Variants in EGFR observed in about 807,000 individuals in gnomAD.
EGFR encodes the protein avian erythroblastic leukemia viral (v-erb-b) oncogene homolog.
EGFR carries 58 observed loss-of-function variants against 143.0 expected under a neutral mutation model. The ratio of observed to expected loss-of-function variants is 0.41; its 90% CI spans 0.33 to 0.50. The LOEUF is 0.50. EGFR is among the 20% of genes least tolerant of loss of function. The pLI, the probability that EGFR is intolerant of heterozygous loss-of-function variation, is 0.39. For missense variants in EGFR, 1,307 were observed against 1,579.0 expected (o/e 0.83, Z 2.92); for synonymous variants, 613 against 594.4 (o/e 1.03, Z -0.45).
At chr7:55,150,621 C>T (rs1269447094) in intron 4 of EGFR, among the ~76,000 whole-genome samples, 1 of 152,192 alleles carries the variant, frequency 6.6e-6, no homozygotes, top group African/African-American at 2.4e-5. Flanking sequence ...AGATATAGCA[C>T]TTCGACCTTC....
chr7:55,055,134 C>G (rs749668522), intron 1 of EGFR, among the ~76,000 whole-genome samples: 1 of 152,170 alleles, frequency 6.6e-6, no homozygotes, highest in Non-Finnish European at 1.5e-5. Flanking sequence ...CCGTACCAGC[C>G]CCTGTGAGAA....
chr7:55,174,141 T>C (rs2128953980), intron 18 of EGFR, 98 bp downstream of exon 18: 9 of 1,519,848 alleles, frequency 5.9e-6, no homozygotes, highest in South Asian at 3.6e-5. Flanking sequence ...TTCCATCATC[T>C]ACTTTACTCT....
rs1389926140 is a variant in EGFR, at chr7:55,208,816, A to C, written c.*3199A>C. 1 of 152,142 alleles carries C rather than the reference A, an allele frequency of 6.6e-6. No homozygotes were observed. The highest frequency in any genetic ancestry group is 1.5e-5 in the Non-Finnish European group (1 of 68,020). 9.4% of individuals were successfully genotyped at this position (152,142 alleles called of 1,614,324 possible). Reference sequence around the variant, plus strand: ...CTTAGCAGGAAAGGCACTGGTTCTCAAGGGCGGCTGCCCTTGGGAATCTTC... The same window carrying C: ...CTTAGCAGGAAAGGCACTGGTTCTCCAGGGCGGCTGCCCTTGGGAATCTTC... On this transcript the variant is annotated 3_prime_UTR_variant, in exon 28 of 28. Transcript: ENST00000275493.
At chr7:55,197,750 G>T (rs144038823) in intron 22 of EGFR, among the ~76,000 whole-genome samples, 3 of 152,194 alleles carry the variant, frequency 2.0e-5, no homozygotes, top group African/African-American at 7.2e-5. Flanking sequence ...CATCTATTGA[G>T]ATGATCATGT....
intron 1 of EGFR, among the ~76,000 whole-genome samples, chr7:55,036,081 G>A (rs934906640): frequency 6.6e-6 from 1 of 151,958 alleles, no homozygotes. Flanking sequence ...TGGTCTTTAA[G>A]GTTTGGAGGC....
intron 16 of EGFR, among the ~76,000 whole-genome samples, chr7:55,172,189 T>C (rs1258316335): frequency 6.6e-6 from 1 of 152,234 alleles, no homozygotes; most frequent in Admixed American, 6.5e-5. Flanking sequence ...ACATCTGCTC[T>C]TTTCCATCTT....
intron 1 of EGFR, among the ~76,000 whole-genome samples, chr7:55,088,483 T>G (rs533796160): frequency 6.6e-6 from 1 of 152,336 alleles, no homozygotes; most frequent in East Asian, 1.9e-4. Flanking sequence ...TTGTTCAGAT[T>G]ATACAGGGAT....
At chr7:55,191,616 C>T (rs1052218895) in intron 20 of EGFR, 103 bp from the exon 21 acceptor site, 67 of 1,510,488 alleles carry the variant, frequency 4.4e-5, no homozygotes, top group Non-Finnish European at 5.7e-5. Context: ...AAGTCCTCGA[C>T]GTGGAGAGGC....
intron 20 of EGFR, among the ~76,000 whole-genome samples, chr7:55,188,332 CGG>C (rs1787234143): frequency 6.6e-6 from 1 of 151,998 alleles, no homozygotes; most frequent in East Asian, 1.9e-4. Flanking sequence ...TCGTGGGGTG[CGG>C]CAGCCCCTGG....
In EGFR at chr7:55,146,633, G is replaced by C. The variant is rs1023675360; in HGVS notation, c.452G>C (p.Ser151Thr). ...QEILHGAVRF[S>T]NNPALCNVES... ...ATCCTGCATGGCGCCGTGCGGTTCA[G>C]CAACAACCCTGCCCTGTGCAACGTG... The change falls in exon 4 of 28, where the codon AGC becomes ACC. Residue 151 changes from serine to threonine, a missense_variant. Coordinates refer to ENST00000275493, the MANE Select transcript of EGFR (RefSeq NM_005228.5). The C allele has an allele frequency of 1.9e-6, 3 of 1,614,054 alleles. No homozygotes were observed. Among genetic ancestry groups the C allele is most frequent in the Non-Finnish European group, 2.5e-6 (3 of 1,179,928 alleles).
chr7:55,025,714 T>G (rs1786841851), intron 1 of EGFR, among the ~76,000 whole-genome samples: 1 of 152,212 alleles, frequency 6.6e-6, no homozygotes, highest in Non-Finnish European at 1.5e-5. Flanking sequence ...TGGCTCCACC[T>G]GTCTCATGCT....
intron 22 of EGFR, among the ~76,000 whole-genome samples, chr7:55,193,310 G>A (rs997128710): frequency 6.6e-6 from 1 of 152,090 alleles, no homozygotes; most frequent in African/African-American, 2.4e-5. Flanking sequence ...ATGTCTGCAG[G>A]GATAAAAGAA....
intron 1 of EGFR, chr7:55,043,706 A>C (rs1402892411): frequency 6.6e-6 from 1 of 152,248 alleles, no homozygotes; most frequent in Non-Finnish European, 1.5e-5. Context: ...CATACAGAGG[A>C]ATCCCCAGCC....
intron 22 of EGFR, 145 bp downstream of exon 22, chr7:55,192,986 A>G (rs999992025): frequency 3.6e-5 from 26 of 722,894 alleles, no homozygotes; most frequent in African/African-American, 2.9e-4. Flanking sequence ...CTGTCTATCT[A>G]TTGTACTGAG....
At chr7:55,178,047 G>A (rs535449545) in intron 19 of EGFR, among the ~76,000 whole-genome samples, 1 of 152,140 alleles carries the variant, frequency 6.6e-6, no homozygotes, top group South Asian at 2.1e-4. Flanking sequence ...CTGTGTGGCC[G>A]ACACCCACGC....
intron 1 of EGFR, among the ~76,000 whole-genome samples, chr7:55,044,934 T>C (rs1231297507): frequency 6.6e-6 from 1 of 151,402 alleles, no homozygotes; most frequent in African/African-American, 2.4e-5. Flanking sequence ...ATGGCCTTTG[T>C]TGTTTACGTG....
At chr7:55,034,876 A>G (rs1054192647) in intron 1 of EGFR, among the ~76,000 whole-genome samples, 1 of 152,246 alleles carries the variant, frequency 6.6e-6, no homozygotes, top group Non-Finnish European at 1.5e-5. Context: ...TATCTTATGG[A>G]CATCACTAGT....
chr7:55,093,499 C>T (rs557316443), intron 1 of EGFR, among the ~76,000 whole-genome samples: 13 of 152,322 alleles, frequency 8.5e-5, no homozygotes, highest in Admixed American at 3.9e-4. Context: ...CCGCTCGCCC[C>T]GCGTCTCAGT....
chr7:55,025,517 C>T lies in EGFR; in HGVS notation c.88+6152C>T, dbSNP rs1031622912. On this transcript the variant is annotated intron_variant, in intron 1 of 27. Transcript: ENST00000275493. Reference sequence around the variant, plus strand: ...GGAGAAGAGGAAGGGCAGGAGGGTCCAATATCAATATTCAGCTTTTAGATG... The same window carrying T: ...GGAGAAGAGGAAGGGCAGGAGGGTCTAATATCAATATTCAGCTTTTAGATG... 2.0e-5 allele frequency among the ~76,000 whole-genome samples: 3 copies of T among 152,206 alleles called. No homozygotes were observed. The South Asian group carries it at 6.2e-4, about 32-fold the overall frequency.
Sources: gnomAD v4.1 joint callset for allele counts (sites outside exome capture counted in the v4.1 genomes callset) on GRCh38, gnomAD v4.1.1 for gene constraint, MANE v1.5 for transcripts, NCBI Gene and HGNC (gene_info 2026-07-23, HGNC 2026-07-21) for gene names.